Variants in KIF1A observed in about 807,000 individuals in gnomAD.
KIF1A encodes kinesin-like protein KIF1A.
In KIF1A, 46 loss-of-function variants were observed where a neutral mutation model predicts 227.3. The observed-to-expected ratio is 0.20, with a 90% CI of 0.16 to 0.26. The LOEUF is 0.26. Ranked by LOEUF, KIF1A falls within the 10% of genes least tolerant of loss-of-function variation. KIF1A has a pLI of 1.00. For missense variants in KIF1A, 1,683 were observed against 2,485.9 expected, an observed-to-expected ratio of 0.68 and a Z score of 6.87; for synonymous variants, 1,022 against 1,012.8, an observed-to-expected ratio of 1.01 and a Z score of -0.17.
At chr2:240,742,291 T>G (rs920803572) in intron 34 of KIF1A, among the ~76,000 whole-genome samples, 12 of 152,154 alleles carry the variant, frequency 7.9e-5, no homozygotes, top group Admixed American at 7.9e-4. Flanking sequence ...TCTGGGGTGC[T>G]GGTGCCCGGG....
intron 11 of KIF1A, 130 bp from the exon 12 acceptor site, chr2:240,774,391 A>AAC (rs2052459757): frequency 3.9e-6 from 1 of 253,672 alleles, no homozygotes; most frequent in African/African-American, 4.0e-5. Context: ...TCACAGGCTT[A>AAC]CCCCCCCCCC....
rs577411203 is a variant in KIF1A at position 240,736,915 on chromosome 2, C to T, written c.4007+148G>A. On this transcript the variant is annotated intron_variant, in intron 38 of 48. Coordinates refer to ENST00000498729, the MANE Select transcript of KIF1A (RefSeq NM_001244008.2). The surrounding 1 kb of genome is among the most constrained non-coding windows in gnomAD (Gnocchi z 4.7). ...GGTGCAGAGGCCACCAGCCCCTCACCGCACAGCTCCTGCAGGTGCCAGGAG... is the reference window on the plus strand; with the variant it reads ...GGTGCAGAGGCCACCAGCCCCTCACTGCACAGCTCCTGCAGGTGCCAGGAG... 48 of 664,540 alleles carry T rather than the reference C, an allele frequency of 7.2e-5. No individual in the cohort carries two copies. The highest frequency in any genetic ancestry group is 4.3e-4 in the East Asian group (16 of 37,598). The allele number at this position is 664,540 out of a possible 1,614,324, so 41.2% of individuals were successfully genotyped here.
chr2:240,719,994 T>C, intron 45 of KIF1A, 68 bp from the exon 46 acceptor site: 1 of 1,493,836 alleles, frequency 6.7e-7, no homozygotes, highest in Non-Finnish European at 9.0e-7. Context: ...TCCCCCAGGC[T>C]TCACCCTCCT....
intron 1 of KIF1A, among the ~76,000 whole-genome samples, chr2:240,798,342 A>C (rs1264324503): frequency 6.6e-6 from 1 of 152,284 alleles, no homozygotes; most frequent in Non-Finnish European, 1.5e-5. Flanking sequence ...TCAGAAATGA[A>C]AAGAACAGCA....
rs2044658563 is a variant in KIF1A, at chr2:240,717,121, C to A, written c.*243G>T. ...CCGTAACCTGTGCCCTTGGCCCCCC[C>A]AGCCTCTCCCAACTTGTTCCACCAG... On this transcript the variant is annotated 3_prime_UTR_variant, in exon 49 of 49. Transcript: ENST00000498729. 2.1e-5 allele frequency: 10 copies of A among 481,190 alleles called. 1 individual carries two copies. In the South Asian group the frequency reaches 3.9e-4, roughly 19 times the overall value. The allele number at this position is 481,190 out of a possible 1,614,324, so 29.8% of individuals were successfully genotyped here.
Position 240,719,841 on chromosome 2 carries a change from G to A in KIF1A, c.4954C>T (p.Arg1652Trp), listed in dbSNP as rs746442427. 1.2e-5 allele frequency: 19 copies of A among 1,611,624 alleles called. No homozygotes were observed. The African/African-American group carries it at 1.3e-4, about 11-fold the overall frequency. ...ADSKKLPSPA[R>W]ATETDKEPQR... ...GGCTCCTTGTCTGTCTCTGTTGCCC[G>A]GGCAGGGGAAGGGAGCTTCTTGGAG... The change falls in exon 46 of 49, where the codon CGG (arginine) becomes TGG (tryptophan). Residue 1652 changes from arginine (R) to tryptophan (W), a missense_variant. Transcript: ENST00000498729.
At position 240,779,557 on chromosome 2, in the gene KIF1A, G is replaced by A. The variant is rs367929465; in HGVS notation, c.882+3033C>T. ...ACTCAGTTCCTCATAGTTCCACTCAGTTCCTCACTCAGTTCCTCAGTTCCT... is the reference window on the plus strand; with the variant it reads ...ACTCAGTTCCTCATAGTTCCACTCAATTCCTCACTCAGTTCCTCAGTTCCT... On this transcript the variant is annotated intron_variant, in intron 10 of 48. Transcript: ENST00000498729. 3.0e-4 allele frequency among the ~76,000 whole-genome samples: 41 copies of A among 135,866 alleles called. 1 individual carries two copies. Among genetic ancestry groups the A allele is most frequent in the African/African-American group, 1.1e-3 (37 of 34,544 alleles). The allele number at this position is 135,866 out of a possible 152,430, so 89.1% of individuals were successfully genotyped here.
In KIF1A at chr2:240,758,777, G is replaced by C. The variant is rs2050164389; in HGVS notation, c.2445-280C>G. 6.6e-6 allele frequency among the ~76,000 whole-genome samples: 1 copy of C among 152,196 alleles called. No homozygotes were observed. The highest frequency in any genetic ancestry group is 1.5e-5 in the Non-Finnish European group (1 of 68,036). ...CTGGGGAACAAGCAGTGAGGGGCTA[G>C]AGGGGCTGGCGGCACTGGGCTGCTG... On this transcript the variant is annotated intron_variant, in intron 25 of 48. Transcript: ENST00000498729. The surrounding 1 kb of genome is among the most constrained non-coding windows in gnomAD (Gnocchi z 5.2).
At chr2:240,723,728 A>G (rs2045671643) in intron 41 of KIF1A, among the ~76,000 whole-genome samples, 170 bp from the exon 42 acceptor site, 1 of 152,102 alleles carries the variant, frequency 6.6e-6, no homozygotes, top group South Asian at 2.1e-4. Flanking sequence ...CCTCTTCCAT[A>G]GGAAGTTATC....
chr2:240,820,758 TC>T (rs2058662031), upstream of KIF1A, among the ~76,000 whole-genome samples: 1 of 150,160 alleles, frequency 6.7e-6, no homozygotes, highest in African/African-American at 2.5e-5. The surrounding 1 kb of genome is among the most constrained non-coding windows in gnomAD (Gnocchi z 6.2). Context: ...GCATCTTGTG[TC>T]GGGGCCGGGG....
Position 240,717,998 on chromosome 2 carries a change from G to A in KIF1A, c.5333+52C>T, listed in dbSNP as rs528911825. Reference sequence around the variant, plus strand: ...TATCAAATGGTCCTGGCCAGGAGCCGGTTGAGGGCAGGACCCCCATGGCAG... The same window carrying A: ...TATCAAATGGTCCTGGCCAGGAGCCAGTTGAGGGCAGGACCCCCATGGCAG... On this transcript the variant is annotated intron_variant, in intron 48 of 48. Coordinates refer to ENST00000498729, the MANE Select transcript of KIF1A (RefSeq NM_001244008.2). 281 of 1,192,604 alleles carry A rather than the reference G, an allele frequency of 2.4e-4. 5 individuals carry two copies. In the South Asian group the frequency reaches 2.9e-3, roughly 12 times the overall value. The allele number at this position is 1,192,604 out of a possible 1,614,324, so 73.9% of individuals were successfully genotyped here. A position where few individuals can be genotyped will look rare whatever the true frequency, so the allele number is the denominator to read the frequency against.
rs535094521 is a variant in KIF1A at position 240,783,174 on chromosome 2, G to A, written c.799-65C>T. The A allele has an allele frequency of 7.9e-6, 10 of 1,258,588 alleles. No individual in the cohort carries two copies. The African/African-American group carries it at 1.5e-4, about 18-fold the overall frequency. 78.0% of individuals were successfully genotyped at this position (1,258,588 alleles called of 1,614,324 possible). On this transcript the variant is annotated intron_variant, in intron 8 of 48. Coordinates refer to ENST00000498729, the MANE Select transcript of KIF1A (RefSeq NM_001244008.2). ...CCCGTGGGGCCTCCTGCTCTGGAGG[G>A]ATGCCCTGGGTGGACCTGTGCAGTG...
chr2:240,739,982 G>T lies in KIF1A; in HGVS notation c.3901+76C>A. The stretch of plus-strand genomic sequence containing the variant: ...GACGCAGAGGTGTGGTTAGAACCCG[G>T]GTATCCAGCTCAGGGCCTGTACTCT... On this transcript the variant is annotated intron_variant, in intron 37 of 48. Coordinates refer to ENST00000498729, the MANE Select transcript of KIF1A (RefSeq NM_001244008.2). The surrounding 1 kb of genome is among the most constrained non-coding windows in gnomAD (Gnocchi z 5.6). 1 of 1,170,622 alleles carries T rather than the reference G, an allele frequency of 8.5e-7. No individual in the cohort carries two copies. Among genetic ancestry groups the T allele is most frequent in the Non-Finnish European group, 1.2e-6 (1 of 802,660 alleles). The allele number at this position is 1,170,622 out of a possible 1,614,324, so 72.5% of individuals were successfully genotyped here. A position where few individuals can be genotyped will look rare whatever the true frequency, so the allele number is the denominator to read the frequency against.
At chr2:240,782,142 C>T (rs902066835) in intron 10 of KIF1A, 5 of 985,216 alleles carry the variant, frequency 5.1e-6, no homozygotes, top group East Asian at 1.1e-4. Context: ...ACGTGGCGCG[C>T]TCCGCGGCAC....
At chr2:240,742,669 A>G (rs1353389854) in intron 34 of KIF1A, among the ~76,000 whole-genome samples, 6 of 151,876 alleles carry the variant, frequency 4.0e-5, no homozygotes, top group African/African-American at 1.2e-4. Flanking sequence ...GTCCCCTCAA[A>G]GCCCCCGACC....
At chr2:240,782,066 G>A (rs1320372943) in intron 10 of KIF1A, 2 of 985,206 alleles carry the variant, frequency 2.0e-6, no homozygotes, top group Non-Finnish European at 2.4e-6. Context: ...CCGGTCCCTC[G>A]AACGCTTTCA....
chr2:240,720,872 C>T (rs1474607024), intron 45 of KIF1A, 42 bp downstream of exon 45: 13 of 1,515,690 alleles, frequency 8.6e-6, no homozygotes, highest in South Asian at 2.5e-5. Flanking sequence ...ATGGGTCAGC[C>T]GTGGTGCCAG....
chr2:240,803,281 C>T (rs1469671690), intron 1 of KIF1A, among the ~76,000 whole-genome samples: 1 of 152,212 alleles, frequency 6.6e-6, no homozygotes, highest in Non-Finnish European at 1.5e-5. Flanking sequence ...AAACACATAG[C>T]CTTAAAGGCA....
intron 28 of KIF1A, 95 bp downstream of exon 28, chr2:240,750,334 C>T: frequency 1.2e-6 from 1 of 842,782 alleles, no homozygotes; most frequent in South Asian, 1.6e-5. Context: ...TACATGATGC[C>T]AGAAGGCCCT....
Sources: allele counts gnomAD v4.1 joint callset (sites outside exome capture counted in the v4.1 genomes callset), GRCh38; gene constraint gnomAD v4.1.1; non-coding constraint Gnocchi (gnomAD v3.1); transcripts MANE v1.5; gene names NCBI Gene and HGNC (gene_info 2026-07-23, HGNC 2026-07-21).